SLC25A13: variants seen among roughly 807,000 people sequenced by gnomAD.
SLC25A13 encodes electrogenic aspartate/glutamate antiporter SLC25A13, mitochondrial.
In SLC25A13, 70 loss-of-function variants were observed where a neutral mutation model predicts 85.5. The observed-to-expected ratio is 0.82, with a 90% CI of 0.68 to 1.00. SLC25A13 has a LOEUF of 1.00. Among genes scored for constraint, SLC25A13 ranks in the 50% least tolerant of loss-of-function variants. SLC25A13 has a pLI of 0.00. For missense variants in SLC25A13, 765 were observed against 819.8 expected (o/e 0.93, Z 0.82); for synonymous variants, 259 against 288.7 (o/e 0.90, Z 1.04).
chr7:96,243,950 C>T lies in SLC25A13; in HGVS notation c.213-9033G>A, dbSNP rs184656736. Among the ~76,000 whole-genome samples the T allele has an allele frequency of 6.3e-4, 96 of 152,200 alleles. No individual in the cohort carries two copies. In the Middle Eastern group the frequency reaches 0.014, roughly 22 times the overall value. ...TATGCAGGGGAGTGATGTGACTCGC[C>T]TCAGAGTTAGAAAGGTTACGAAGAA... is the stretch of plus-strand genomic sequence containing the variant. On this transcript the variant is annotated intron_variant, in intron 3 of 17. Coordinates refer to ENST00000265631, the MANE Select transcript of SLC25A13 (RefSeq NM_014251.3).
At chr7:96,237,513 T>C (rs1051099710) in intron 3 of SLC25A13, among the ~76,000 whole-genome samples, 2 of 152,198 alleles carry the variant, frequency 1.3e-5, no homozygotes, top group African/African-American at 4.8e-5. Context: ...GACTTTTTTT[T>C]CAGACAGTTA....
chr7:96,257,239 A>G (rs1360023276), intron 3 of SLC25A13, among the ~76,000 whole-genome samples: 1 of 152,198 alleles, frequency 6.6e-6, no homozygotes, highest in Non-Finnish European at 1.5e-5. Context: ...AGACACAGAC[A>G]CAAAATACCC....
At chr7:96,170,764 T>C (rs1386629240) in intron 12 of SLC25A13, among the ~76,000 whole-genome samples, 1 of 152,188 alleles carries the variant, frequency 6.6e-6, no homozygotes. Flanking sequence ...AAAAGAAGAA[T>C]TTCAGGCTCC....
intron 2 of SLC25A13, among the ~76,000 whole-genome samples, chr7:96,287,035 G>A (rs945565398): frequency 2.6e-5 from 4 of 152,194 alleles, no homozygotes; most frequent in African/African-American, 9.7e-5. Flanking sequence ...GTCAAGTCAG[G>A]AAAAAGTCAC....
intron 3 of SLC25A13, among the ~76,000 whole-genome samples, chr7:96,266,120 G>T (rs1431398638): frequency 6.6e-6 from 1 of 152,152 alleles, no homozygotes. Context: ...GAAGTTTTAC[G>T]CACTATTGCT....
Position 96,307,902 on chromosome 7 carries a change from A to C in SLC25A13, c.16-10951T>G, listed in dbSNP as rs1347313546. On this transcript the variant is annotated intron_variant, in intron 1 of 17. Coordinates refer to ENST00000265631, the MANE Select transcript of SLC25A13 (RefSeq NM_014251.3). ...CGCAGTGGCTCACGCCTGTAATCCC[A>C]GCACTTTGGGAGGCTGAGGTGGGTG... is the stretch of plus-strand genomic sequence containing the variant. 4.6e-5 allele frequency among the ~76,000 whole-genome samples: 7 copies of C among 151,958 alleles called. No individual in the cohort carries two copies. The East Asian group carries it at 1.4e-3, about 30-fold the overall frequency.
intron 4 of SLC25A13, among the ~76,000 whole-genome samples, chr7:96,210,300 T>C (rs1411612218): frequency 6.6e-6 from 1 of 152,216 alleles, no homozygotes; most frequent in Non-Finnish European, 1.5e-5. Flanking sequence ...GTACTGAATT[T>C]ATTCTGTCTT....
chr7:96,176,284 T>C (rs2116601589), intron 11 of SLC25A13, among the ~76,000 whole-genome samples: 1 of 152,334 alleles, frequency 6.6e-6, no homozygotes, highest in South Asian at 2.1e-4. Flanking sequence ...ATATAAGATG[T>C]TTCTGTTGGG....
chr7:96,286,432 G>A (rs561030183), intron 2 of SLC25A13, among the ~76,000 whole-genome samples: 172 of 152,230 alleles, frequency 1.1e-3, no homozygotes, highest in Non-Finnish European at 2.2e-3. Flanking sequence ...CACTCTGACA[G>A]CTCTTTACTT....
At chr7:96,303,563 C>G (rs1298610808) in intron 1 of SLC25A13, among the ~76,000 whole-genome samples, 1 of 152,162 alleles carries the variant, frequency 6.6e-6, no homozygotes, top group Non-Finnish European at 1.5e-5. Context: ...CACTAGAAGG[C>G]TGAAACTACA....
rs772811349 is a variant in SLC25A13 at position 96,131,721 on chromosome 7, G to C, written c.1591+22C>G. The C allele has an allele frequency of 3.7e-6, 6 of 1,613,404 alleles. No homozygotes were observed. The East Asian group carries it at 1.1e-4, about 30-fold the overall frequency. On this transcript the variant is annotated intron_variant, in intron 15 of 17. Coordinates refer to ENST00000265631, the MANE Select transcript of SLC25A13 (RefSeq NM_014251.3). ...GGCAGCAAGGGTCAGGGAAGTAAGAGAACTCCATGGGGGACACTCACCAGC... is the reference window on the plus strand; with the variant it reads ...GGCAGCAAGGGTCAGGGAAGTAAGACAACTCCATGGGGGACACTCACCAGC...
intron 11 of SLC25A13, among the ~76,000 whole-genome samples, chr7:96,178,084 G>A (rs772583530): frequency 5.9e-5 from 9 of 152,216 alleles, no homozygotes; most frequent in South Asian, 2.1e-4. Flanking sequence ...TGCTTCCCCC[G>A]TCTCTACAGA....
chr7:96,135,231 A>AG (rs1792226032), intron 14 of SLC25A13, among the ~76,000 whole-genome samples: 1 of 152,160 alleles, frequency 6.6e-6, no homozygotes, highest in African/African-American at 2.4e-5. Context: ...TGTTCACCTG[A>AG]GGGCTGTGTC....
chr7:96,168,508 C>T (rs1415757313), intron 13 of SLC25A13, among the ~76,000 whole-genome samples: 1 of 152,102 alleles, frequency 6.6e-6, no homozygotes, highest in Non-Finnish European at 1.5e-5. Flanking sequence ...GCCGCATATG[C>T]AAAAACAAGA....
chr7:96,270,916 C>G (rs1798216833), intron 3 of SLC25A13, among the ~76,000 whole-genome samples: 1 of 152,120 alleles, frequency 6.6e-6, no homozygotes, highest in Non-Finnish European at 1.5e-5. Flanking sequence ...CTGCAACGCT[C>G]CAACCTCTAC....
chr7:96,126,197 A>T (rs1171822768), intron 15 of SLC25A13, among the ~76,000 whole-genome samples: 1 of 152,120 alleles, frequency 6.6e-6, no homozygotes, highest in Non-Finnish European at 1.5e-5. Context: ...ACTGGGTGCA[A>T]GGGGTTAGGA....
chr7:96,300,789 A>G (rs1452336743), intron 1 of SLC25A13, among the ~76,000 whole-genome samples: 6 of 152,208 alleles, frequency 3.9e-5, no homozygotes, highest in Non-Finnish European at 8.8e-5. Flanking sequence ...ATTTAAGGAT[A>G]GATAAGTATG....
At chr7:96,126,747 ATAAAGAATT>A (rs1791744829) in intron 15 of SLC25A13, among the ~76,000 whole-genome samples, 1 of 152,180 alleles carries the variant, frequency 6.6e-6, no homozygotes, top group Non-Finnish European at 1.5e-5. Context: ...TCTAGTGCCA[ATAAAGAATT>A]TTTTAAAAAT....
rs570073172 is a variant in SLC25A13 at position 96,233,257 on chromosome 7, A to G, written c.328+1545T>C. On this transcript the variant is annotated intron_variant, in intron 4 of 17. Transcript: ENST00000265631. The stretch of plus-strand genomic sequence containing the variant: ...CCTCTGTTCATCCCCAGGAAACGCT[A>G]TTATAACAATGTCACCAAACTCGCT... Among the ~76,000 whole-genome samples the G allele has an allele frequency of 1.1e-3, 167 of 152,348 alleles. 1 individual carries two copies. Among genetic ancestry groups the G allele is most frequent in the South Asian group, 5.2e-3 (25 of 4,824 alleles).
Sources: allele counts gnomAD v4.1 joint callset (sites outside exome capture counted in the v4.1 genomes callset), GRCh38; gene constraint gnomAD v4.1.1; transcripts MANE v1.5; gene names NCBI Gene and HGNC (gene_info 2026-07-23, HGNC 2026-07-21).